WDR20: variants seen among roughly 807,000 people sequenced by gnomAD.
WDR20 encodes WD repeat-containing protein 20.
Under a neutral mutation model 38.7 loss-of-function variants are expected in WDR20, and 3 were observed. That is an observed-to-expected ratio of 0.08 (90% CI 0.04 to 0.20). WDR20 has a LOEUF of 0.20. WDR20 is among the 10% of genes least tolerant of loss of function. WDR20 has a pLI of 1.00. For synonymous variants in WDR20, 298 were observed against 285.6 expected (o/e 1.04, Z -0.44); for missense variants, 559 against 727.7 (o/e 0.77, Z 2.67).
intron 2 of WDR20, among the ~76,000 whole-genome samples, chr14:102,196,768 G>A (rs1567006525): frequency 2.0e-5 from 3 of 152,162 alleles, no homozygotes; most frequent in Non-Finnish European, 2.9e-5. Flanking sequence ...GTTGCAGGCT[G>A]GAAGGCAGCT....
At chr14:102,200,167 C>T (rs1006420646) in intron 2 of WDR20, among the ~76,000 whole-genome samples, 1 of 152,246 alleles carries the variant, frequency 6.6e-6, no homozygotes, top group African/African-American at 2.4e-5. Flanking sequence ...AATGCCCAGT[C>T]CTTTCTAGCC....
rs527993062 is a variant in WDR20, at chr14:102,158,194, G to A, written c.249+18022G>A. 2.0e-4 allele frequency among the ~76,000 whole-genome samples: 30 copies of A among 152,308 alleles called. No individual in the cohort carries two copies. The South Asian group carries it at 5.8e-3, about 29-fold the overall frequency. On this transcript the variant is annotated intron_variant, in intron 1 of 2. Coordinates refer to ENST00000342702, the MANE Select transcript of WDR20 (RefSeq NM_144574.4). ...GTGCCCTGCATGTGGTTGAAGGATA[G>A]CACATCTGTGCTGCCTACACTCCCC...
intron 1 of WDR20, among the ~76,000 whole-genome samples, chr14:102,179,832 A>G (rs539613684): frequency 2.2e-4 from 33 of 151,982 alleles, no homozygotes; most frequent in South Asian, 2.1e-3. Context: ...GAGTGCATTT[A>G]AAAAATGTAA....
intron 2 of WDR20, among the ~76,000 whole-genome samples, chr14:102,197,004 G>C (rs1427675186): frequency 6.6e-6 from 1 of 152,186 alleles, no homozygotes; most frequent in Non-Finnish European, 1.5e-5. Flanking sequence ...GTCACCGGAG[G>C]TTTGTTCCTT....
At chr14:102,224,177 G>A (rs890011448), downstream of WDR20, among the ~76,000 whole-genome samples, 3 of 151,894 alleles carry the variant, frequency 2.0e-5, no homozygotes, top group Non-Finnish European at 2.9e-5. Flanking sequence ...GAGTAGCTGG[G>A]ACTACAGGCG....
At chr14:102,145,834 A>G (rs1246364598) in intron 1 of WDR20, among the ~76,000 whole-genome samples, 1 of 152,172 alleles carries the variant, frequency 6.6e-6, no homozygotes, top group East Asian at 1.9e-4. Flanking sequence ...ATTCAAGCCA[A>G]AGAACCTTCC....
chr14:102,209,518 A>T lies in WDR20; in HGVS notation c.1348A>T (p.Met450Leu), dbSNP rs1018338839. 3 of 1,614,102 alleles carry T rather than the reference A, an allele frequency of 1.9e-6. No individual in the cohort carries two copies. The African/African-American group carries it at 4.0e-5, about 22-fold the overall frequency. The change falls in exon 3 of 3, where the codon ATG (methionine) becomes TTG (leucine). Residue 450 changes from methionine (M) to leucine (L), a missense_variant. Coordinates refer to ENST00000342702, the MANE Select transcript of WDR20 (RefSeq NM_144574.4). This position sits in a 1 kb window ranked among gnomAD's most constrained non-coding sequence, Gnocchi z 6.0. ...VSNAGSKSSV[M>L]DGAIASGVSK... ...AAATGCTGGCAGCAAAAGCAGTGTC[A>T]TGGACGGGGCCATTGCTTCTGGGGT...
chr14:102,173,076 C>T (rs1410149882), intron 1 of WDR20, among the ~76,000 whole-genome samples: 1 of 151,218 alleles, frequency 6.6e-6, no homozygotes, highest in Non-Finnish European at 1.5e-5. Context: ...AGGCGCTCCT[C>T]ACTTCCTAGA....
downstream of WDR20, chr14:102,212,927 C>A: frequency 9.2e-7 from 1 of 1,082,044 alleles, no homozygotes; most frequent in Non-Finnish European, 1.1e-6. Flanking sequence ...AATACTCAGT[C>A]AGCATCACTG....
exon 4 of WDR20, chr14:102,223,177 T>C: frequency 5.9e-6 from 1 of 169,536 alleles, no homozygotes; most frequent in Non-Finnish European, 1.2e-5. Flanking sequence ...ATATATATAA[T>C]ATATACATAT....
intron 1 of WDR20, chr14:102,167,435 G>C (rs2059981517): frequency 2.0e-5 from 3 of 152,224 alleles, no homozygotes; most frequent in African/African-American, 7.2e-5. Flanking sequence ...TGCCCAGGCT[G>C]GTCTCTAATT....
In WDR20 at chr14:102,200,467, T is replaced by TGTGTGTGTG. The variant is rs1555400555; in HGVS notation, c.432+5347_432+5348insGTGTGTGTG. On this transcript the variant is annotated intron_variant, in intron 2 of 2. Transcript: ENST00000342702. ...GAGTTTACTTTTTAAATTTTTTTTT[T>TGTGTGTGTG]TGTGTGTGTGTGTGTGTGTGTGTGT... 7.9e-4 allele frequency among the ~76,000 whole-genome samples: 93 copies of TGTGTGTGTG among 117,754 alleles called. 1 individual carries two copies. The highest frequency in any genetic ancestry group is 2.7e-3 in the African/African-American group (88 of 32,136). 77.3% of individuals were successfully genotyped at this position (117,754 alleles called of 152,430 possible).
chr14:102,198,145 A>ATTTATTTG, intron 2 of WDR20, among the ~76,000 whole-genome samples: 1 of 129,844 alleles, frequency 7.7e-6, no homozygotes, highest in South Asian at 2.5e-4. Flanking sequence ...TTATTTATTT[A>ATTTATTTG]TGAGACAGAG....
downstream of WDR20, chr14:102,224,480 A>G: frequency 2.4e-6 from 1 of 412,482 alleles, no homozygotes; most frequent in Non-Finnish European, 4.8e-6. Flanking sequence ...TATTTTTTTA[A>G]AAAATCATAT....
chr14:102,194,901 G>A, intron 1 of WDR20, 37 bp from the exon 2 acceptor site: 1 of 1,592,574 alleles, frequency 6.3e-7, no homozygotes. Context: ...ATCTCAATGT[G>A]CTGTTTACTG....
intron 1 of WDR20, among the ~76,000 whole-genome samples, chr14:102,173,914 G>C (rs572177151): frequency 1.0e-3 from 152 of 152,030 alleles, no homozygotes; most frequent in Non-Finnish European, 1.8e-3. Flanking sequence ...CGTGGTGGCG[G>C]GCGCCTGTAG....
At chr14:102,161,468 T>C (rs1281155029) in intron 1 of WDR20, among the ~76,000 whole-genome samples, 2 of 151,816 alleles carry the variant, frequency 1.3e-5, no homozygotes, top group African/African-American at 4.8e-5. Flanking sequence ...CTCGAGCCAC[T>C]GTGCTCGTTT....
chr14:102,191,243 G>A (rs1486398200), intron 1 of WDR20: 1 of 152,174 alleles, frequency 6.6e-6, no homozygotes. Flanking sequence ...TTGAACTTAG[G>A]CTTGCCTGGT....
At chr14:102,189,815 AATTG>A (rs1213884935) in intron 1 of WDR20, among the ~76,000 whole-genome samples, 1 of 152,228 alleles carries the variant, frequency 6.6e-6, no homozygotes, top group Non-Finnish European at 1.5e-5. Flanking sequence ...ATTTTATTTT[AATTG>A]ATTATAACAG....
Sources: allele counts gnomAD v4.1 joint callset (sites outside exome capture counted in the v4.1 genomes callset), GRCh38; gene constraint gnomAD v4.1.1; non-coding constraint Gnocchi (gnomAD v3.1); transcripts MANE v1.5; gene names NCBI Gene and HGNC (gene_info 2026-07-23, HGNC 2026-07-21).